UBA2: variants seen among roughly 807,000 people sequenced by gnomAD.
UBA2 encodes ubiquitin like modifier activating enzyme 2, also known as SUMO-activating enzyme subunit 2.
Under a neutral mutation model 77.2 loss-of-function variants are expected in UBA2, and 11 were observed. The ratio of observed to expected loss-of-function variants is 0.14; its 90% confidence interval spans 0.09 to 0.24. UBA2 has a LOEUF of 0.24. Among genes scored for constraint, UBA2 ranks in the 10% least tolerant of loss-of-function variants. The pLI is 1.00. For missense variants in UBA2, 487 were observed against 781.7 expected, an observed-to-expected ratio of 0.62 and a Z score of 4.50; for synonymous variants, 278 against 276.7, an observed-to-expected ratio of 1.00 and a Z score of -0.05.
intron 14 of UBA2, 70 bp downstream of exon 14, chr19:34,460,636 C>G (rs1159655277): frequency 1.3e-5 from 15 of 1,116,284 alleles, no homozygotes; most frequent in African/African-American, 1.6e-5. Context: ...TTAGTTGATT[C>G]ATTTACTGTA....
chr19:34,455,021 T>TG (rs1268988498), intron 12 of UBA2, among the ~76,000 whole-genome samples: 4 of 152,242 alleles, frequency 2.6e-5, no homozygotes, highest in African/African-American at 9.6e-5. Context: ...CGTAGTGATT[T>TG]GCTTGTATGG....
At chr19:34,447,193 A>G (rs2075441588) in intron 8 of UBA2, among the ~76,000 whole-genome samples, 1 of 152,164 alleles carries the variant, frequency 6.6e-6, no homozygotes, top group Admixed American at 6.6e-5. Context: ...CTGGGAGGCT[A>G]GGCCAGTCTA....
At chr19:34,443,955 T>TGATAAAA in intron 7 of UBA2, 44 bp downstream of exon 7, 1 of 1,374,822 alleles carries the variant, frequency 7.3e-7, no homozygotes, top group Non-Finnish European at 1.0e-6. Flanking sequence ...TACTATTATC[T>TGATAAAA]TTATTTTGTT....
At chr19:34,430,886 T>C (rs2075245609) in intron 2 of UBA2, among the ~76,000 whole-genome samples, 2 of 152,178 alleles carry the variant, frequency 1.3e-5, no homozygotes, top group South Asian at 4.1e-4. Context: ...ATGGCCTCTT[T>C]ATATTTAAGT....
intron 12 of UBA2, among the ~76,000 whole-genome samples, chr19:34,458,558 C>CAAAAAAAAA (rs60349858): frequency 2.6e-4 from 16 of 60,618 alleles, no homozygotes; most frequent in African/African-American, 1.3e-3. Context: ...GACTCCGTCT[C>CAAAAAAAAA]AAAAAAAAAA....
rs1299027177 is a variant in UBA2 at position 34,470,877 on chromosome 19, T to C, written c.*1656T>C. On this transcript the variant is annotated 3_prime_UTR_variant, in exon 17 of 17. Transcript: ENST00000246548. ...CAGCAGTTGGCCTTTGTTGAGAAAA[T>C]GTGTGACTTTGCCCAAGCCCAGTAA... The C allele has an allele frequency of 6.6e-6, 1 of 152,214 alleles. No homozygotes were observed. The highest frequency in any genetic ancestry group is 1.9e-4 in the East Asian group (1 of 5,192). The allele number at this position is 152,214 out of a possible 1,614,324, so 9.4% of individuals were successfully genotyped here. A position where few individuals can be genotyped will look rare whatever the true frequency, so the allele number is the denominator to read the frequency against.
intron 12 of UBA2, among the ~76,000 whole-genome samples, chr19:34,455,593 ATATC>A (rs913097729): frequency 2.6e-5 from 4 of 152,196 alleles, no homozygotes; most frequent in African/African-American, 9.7e-5. Flanking sequence ...ATTTCAAAAA[ATATC>A]TAGTTTGCAA....
At chr19:34,445,151 T>G (rs757608217) in intron 8 of UBA2, 30 bp downstream of exon 8, 3 of 1,598,064 alleles carry the variant, frequency 1.9e-6, no homozygotes, top group Non-Finnish European at 2.6e-6. Flanking sequence ...TAATCATGGA[T>G]AGATGTATTG....
chr19:34,466,102 G>T (rs2075684583), intron 15 of UBA2, among the ~76,000 whole-genome samples: 1 of 151,944 alleles, frequency 6.6e-6, no homozygotes, highest in South Asian at 2.1e-4. Flanking sequence ...TTGGGAGGCT[G>T]AGGCGGGCGG....
In UBA2 at chr19:34,469,246, C is replaced by G. The variant is rs748871483; in HGVS notation, c.*25C>G. 6.6e-7 allele frequency: 1 copy of G among 1,517,030 alleles called. No homozygotes were observed. Among genetic ancestry groups the G allele is most frequent in the African/African-American group, 1.4e-5 (1 of 70,932 alleles). The allele number at this position is 1,517,030 out of a possible 1,614,324, so 94.0% of individuals were successfully genotyped here. Reference sequence around the variant, plus strand: ...AACAGAAATGCCTCTAAACAGAACCCTCTTACTATTTAGTTTATCTGGGCA... The same window carrying G: ...AACAGAAATGCCTCTAAACAGAACCGTCTTACTATTTAGTTTATCTGGGCA... On this transcript the variant is annotated 3_prime_UTR_variant, in exon 17 of 17. Transcript: ENST00000246548.
chr19:34,470,686 C>T lies in UBA2; in HGVS notation c.*1465C>T, dbSNP rs2145578674. The stretch of plus-strand genomic sequence containing the variant: ...TACAGGCGCCCTCCACCACGCTCAG[C>T]TAATTTTTTGTATTTTTAGTAGAGA... On this transcript the variant is annotated 3_prime_UTR_variant, in exon 17 of 17. Transcript: ENST00000246548. The T allele has an allele frequency of 6.6e-6, 1 of 152,250 alleles. No individual in the cohort carries two copies. Among genetic ancestry groups the T allele is most frequent in the African/African-American group, 2.4e-5 (1 of 41,524 alleles). The allele number at this position is 152,250 out of a possible 1,614,324, so 9.4% of individuals were successfully genotyped here.
rs774232159 is a variant in UBA2, at chr19:34,445,022, C to T, written c.672C>T (p.Ala224=). The T allele has an allele frequency of 3.7e-6, 6 of 1,612,312 alleles. No homozygotes were observed. Among genetic ancestry groups the T allele is most frequent in the Non-Finnish European group, 5.1e-6 (6 of 1,179,414 alleles). The change falls in exon 8 of 17, where the codon GCC becomes GCT. Residue 224 remains alanine, a synonymous_variant. Transcript: ENST00000246548. ...TAGGGGAACCAACGGAAGCCGAAGC[C>T]AGAGCTAGAGCATCTAATGAAGATG... ...EAAWEPTEAE[A]RARASNEDGD...
chr19:34,428,907 G>A, intron 1 of UBA2: 1 of 1,006,514 alleles, frequency 9.9e-7, no homozygotes, highest in Non-Finnish European at 1.2e-6. Context: ...GGAGATGCGG[G>A]AGAGGATTGA....
At chr19:34,457,176 AAAAATATATATAT>A (rs1206754949) in intron 12 of UBA2, among the ~76,000 whole-genome samples, 10 of 100,184 alleles carry the variant, frequency 1.0e-4, no homozygotes, top group South Asian at 3.7e-4. Flanking sequence ...TAAAAAAAAA[AAAAATATATATAT>A]ATATATATAT....
chr19:34,443,883 T>A lies in UBA2; in HGVS notation c.621T>A (p.Ser207=), dbSNP rs775944623. ...FGEEDADQEV[S]PDRADPEAAW... ...AAGAAGATGCTGATCAAGAAGTATC[T>A]CCTGACAGAGCTGACCCTGAAGCTG... The change falls in exon 7 of 17, where the codon TCT becomes TCA. Residue 207 remains serine (S), a synonymous_variant. Coordinates refer to ENST00000246548, the MANE Select transcript of UBA2 (RefSeq NM_005499.3). 1 of 1,611,978 alleles carries A rather than the reference T, an allele frequency of 6.2e-7. No homozygotes were observed. The highest frequency in any genetic ancestry group is 1.1e-5 in the South Asian group (1 of 91,048).
intron 2 of UBA2, 55 bp downstream of exon 2, chr19:34,430,714 AC>A (rs1214949814): frequency 2.0e-5 from 28 of 1,402,212 alleles, no homozygotes; most frequent in Non-Finnish European, 2.5e-5. Context: ...TATTTGTGAT[AC>A]CAGATTAATC....
At chr19:34,452,604 A>T (rs1190894667) in intron 10 of UBA2, among the ~76,000 whole-genome samples, 1 of 152,250 alleles carries the variant, frequency 6.6e-6, no homozygotes, top group Non-Finnish European at 1.5e-5. Context: ...AATTATTCTT[A>T]GAAGTTAAAA....
chr19:34,450,385 T>C (rs746799681), intron 9 of UBA2, 21 bp downstream of exon 9: 2 of 1,523,312 alleles, frequency 1.3e-6, no homozygotes, highest in Admixed American at 2.0e-5. Context: ...CATTTTAGTC[T>C]TGGAACACCT....
intron 6 of UBA2, among the ~76,000 whole-genome samples, chr19:34,441,849 A>G (rs571222665): frequency 6.6e-5 from 10 of 150,838 alleles, no homozygotes; most frequent in African/African-American, 9.7e-5. Context: ...TGAACCTGGG[A>G]GGCGGAGGTT....
Sources: gnomAD v4.1 joint callset for allele counts (sites outside exome capture counted in the v4.1 genomes callset) on GRCh38, gnomAD v4.1.1 for gene constraint, MANE v1.5 for transcripts, NCBI Gene and HGNC (gene_info 2026-07-23, HGNC 2026-07-21) for gene names.